Variants in SPG11 observed in about 807,000 individuals in gnomAD.
SPG11 encodes SPG11 vesicle trafficking associated, spatacsin, also known as spatacsin.
A neutral mutation model predicts 274.0 loss-of-function variants in SPG11; 222 were observed. That is an observed-to-expected ratio of 0.81 (90% CI 0.73 to 0.91). The LOEUF (loss-of-function observed/expected upper bound fraction) is 0.91. SPG11 is among the 40% of genes least tolerant of loss of function. The pLI, the probability that SPG11 is intolerant of heterozygous loss-of-function variation, is 0.00. For missense variants in SPG11, 3,114 were observed against 2,872.7 expected (o/e 1.08, Z -1.92); for synonymous variants, 1,144 against 1,039.7 (o/e 1.10, Z -1.93).
intron 26 of SPG11, among the ~76,000 whole-genome samples, chr15:44,593,719 G>A (rs141551160): frequency 6.6e-6 from 1 of 150,850 alleles, no homozygotes; most frequent in African/African-American, 2.4e-5. Context: ...TGATTTATTA[G>A]TCTGTCAAAT....
At chr15:44,635,641 G>A (rs1234516918) in intron 7 of SPG11, among the ~76,000 whole-genome samples, 1 of 150,618 alleles carries the variant, frequency 6.6e-6, no homozygotes, top group African/African-American at 2.4e-5. Context: ...AAAAAGCCGG[G>A]TATGGTGGCT....
intron 35 of SPG11, among the ~76,000 whole-genome samples, chr15:44,567,847 C>CA (rs1359617880): frequency 2.0e-5 from 3 of 152,172 alleles, no homozygotes; most frequent in African/African-American, 7.2e-5. Flanking sequence ...GCTGATCTAA[C>CA]AATTCCATTT....
intron 6 of SPG11, among the ~76,000 whole-genome samples, chr15:44,649,652 G>A (rs557498905): frequency 1.8e-4 from 28 of 151,914 alleles, no homozygotes; most frequent in Non-Finnish European, 2.9e-4. Context: ...AGCACTTCAG[G>A]AGGCCGAGGT....
rs768433207 is a variant in SPG11, at chr15:44,600,533, C to T, written c.3620G>A (p.Arg1207Gln). Residue 1207 changes from arginine to glutamine, a missense_variant, in exon 21 of 40, where the codon CGG becomes CAG. By Grantham distance (43) the Arg-to-Gln change is conservative (BLOSUM62 1). Coordinates refer to ENST00000261866, the MANE Select transcript of SPG11 (RefSeq NM_025137.4). ...LNFAYYLHNG[R>Q]PSFAFGTFLV... Reference sequence around the variant, plus strand: ...AAAAGTACCAAATGCAAATGATGGCCGCCCATTATGTAAATAATAAGCAAA... The same window carrying T: ...AAAAGTACCAAATGCAAATGATGGCTGCCCATTATGTAAATAATAAGCAAA... The T allele has an allele frequency of 1.1e-5, 18 of 1,613,940 alleles. No individual in the cohort carries two copies. Among genetic ancestry groups the T allele is most frequent in the Middle Eastern group, 1.6e-4 (1 of 6,084 alleles).
intron 11 of SPG11, among the ~76,000 whole-genome samples, chr15:44,625,488 G>A (rs188390813): frequency 2.0e-5 from 3 of 152,154 alleles, no homozygotes; most frequent in Admixed American, 2.0e-4. Flanking sequence ...AAAGTGTGTA[G>A]CACCTCCCCA....
intron 31 of SPG11, 165 bp from the exon 32 acceptor site, chr15:44,573,910 TTC>T (rs2082480247): frequency 6.0e-6 from 4 of 661,378 alleles, no homozygotes; most frequent in Non-Finnish European, 7.9e-6. Context: ...TTCTAACCCT[TTC>T]TATCATTTCA....
Position 44,651,537 on chromosome 15 carries a change from A to T in SPG11, c.1410T>A (p.Ile470=). ...MQCFSLGTKC[I]PVDSSGDQQL... Reference sequence around the variant, plus strand: ...GCTGGTCTCCACTACTGTCTACAGGAATACACTTTGTGCCAAGGGAAAAAC... The same window carrying T: ...GCTGGTCTCCACTACTGTCTACAGGTATACACTTTGTGCCAAGGGAAAAAC... Residue 470 remains isoleucine (I), a synonymous_variant, in exon 6 of 40, where the codon ATT becomes ATA. Coordinates refer to ENST00000261866, the MANE Select transcript of SPG11 (RefSeq NM_025137.4). The T allele has an allele frequency of 4.3e-6, 7 of 1,614,170 alleles. No homozygotes were observed. Among genetic ancestry groups the T allele is most frequent in the Non-Finnish European group, 5.9e-6 (7 of 1,180,006 alleles).
At chr15:44,649,092 C>A in intron 6 of SPG11, 81 bp from the exon 7 acceptor site, 1 of 1,042,044 alleles carries the variant, frequency 9.6e-7, no homozygotes, top group South Asian at 1.3e-5. Context: ...TTTAATTACT[C>A]AATACTTCAG....
intron 7 of SPG11, among the ~76,000 whole-genome samples, chr15:44,639,063 A>G (rs1328278946): frequency 6.6e-6 from 1 of 152,034 alleles, no homozygotes; most frequent in East Asian, 1.9e-4. Flanking sequence ...TTTTTTACAC[A>G]TTGTATTTTA....
At chr15:44,601,709 C>A (rs1007116552) in intron 20 of SPG11, among the ~76,000 whole-genome samples, 1 of 152,046 alleles carries the variant, frequency 6.6e-6, no homozygotes, top group African/African-American at 2.4e-5. Context: ...GAGGCACGTG[C>A]CACCACACCT....
intron 29 of SPG11, among the ~76,000 whole-genome samples, chr15:44,585,334 A>T (rs1382539259): frequency 6.6e-6 from 1 of 151,792 alleles, no homozygotes; most frequent in African/African-American, 2.4e-5. Context: ...TCACGCCTGT[A>T]ATCCCAGCAC....
At chr15:44,612,258 T>C (rs2083479787) in intron 17 of SPG11, among the ~76,000 whole-genome samples, 1 of 152,206 alleles carries the variant, frequency 6.6e-6, no homozygotes, top group African/African-American at 2.4e-5. Context: ...AAATATTTGT[T>C]GGGTGAATGA....
chr15:44,646,783 A>G (rs1187873693), intron 7 of SPG11, among the ~76,000 whole-genome samples: 1 of 152,186 alleles, frequency 6.6e-6, no homozygotes, highest in Non-Finnish European at 1.5e-5. Flanking sequence ...CACAGTACAC[A>G]TGAACAAAAA....
chr15:44,652,212 T>C lies in SPG11; in HGVS notation c.924A>G (p.Gln308=). 6.2e-7 allele frequency: 1 copy of C among 1,614,116 alleles called. No homozygotes were observed. Among genetic ancestry groups the C allele is most frequent in the South Asian group, 1.1e-5 (1 of 91,072 alleles). Residue 308 remains glutamine, a synonymous_variant, in exon 5 of 40, where the codon CAA becomes CAG. Coordinates refer to ENST00000261866, the MANE Select transcript of SPG11 (RefSeq NM_025137.4). ...CERILEDLPI[Q]GPKGVDEDDP... is the part of the protein sequence containing the mutation. ...CATCTTCATCTACGCCCTTAGGTCC[T>C]TGAATAGGAAGATCTTCTAGTATTC...
intron 7 of SPG11, among the ~76,000 whole-genome samples, chr15:44,647,522 A>G (rs1358634799): frequency 6.6e-6 from 1 of 152,202 alleles, no homozygotes; most frequent in Admixed American, 6.5e-5. Context: ...CCAAATGTCC[A>G]TCAGCTGATG....
chr15:44,594,869 T>C (rs929872346), intron 26 of SPG11, among the ~76,000 whole-genome samples: 6 of 152,184 alleles, frequency 3.9e-5, no homozygotes, highest in African/African-American at 1.4e-4. Flanking sequence ...CAGGCTGGAG[T>C]GCAGTGGCAC....
At position 44,651,829 on chromosome 15, in the gene SPG11, T is replaced by A; in HGVS notation, c.1118A>T (p.Glu373Val). Residue 373 changes from glutamate (E) to valine (V), a missense_variant, in exon 6 of 40, where the codon GAA becomes GTA. Transcript: ENST00000261866. ...CACACTTGTACTGTGGTTACCAGATTCAGGTGACTCCAAATGCAAAATATC... is the reference window on the plus strand; with the variant it reads ...CACACTTGTACTGTGGTTACCAGATACAGGTGACTCCAAATGCAAAATATC... ...FQDILHLESP[E>V]SGNHSTSVQS... The A allele has an allele frequency of 6.2e-7, 1 of 1,614,136 alleles. No individual in the cohort carries two copies. Among genetic ancestry groups the A allele is most frequent in the Non-Finnish European group, 8.5e-7 (1 of 1,179,996 alleles).
chr15:44,595,985 T>C, intron 25 of SPG11, 98 bp downstream of exon 25: 3 of 1,500,972 alleles, frequency 2.0e-6, no homozygotes, highest in Non-Finnish European at 2.8e-6. Flanking sequence ...AACCTCACTG[T>C]CATCATCACC....
intron 21 of SPG11, 76 bp from the exon 22 acceptor site, chr15:44,598,912 T>C: frequency 7.0e-7 from 1 of 1,425,696 alleles, no homozygotes; most frequent in Non-Finnish European, 9.8e-7. Flanking sequence ...TGGAATTAAA[T>C]CAGTGACAGA....
Sources: gnomAD v4.1 joint callset for allele counts (sites outside exome capture counted in the v4.1 genomes callset) on GRCh38, gnomAD v4.1.1 for gene constraint, MANE v1.5 for transcripts, NCBI Gene and HGNC (gene_info 2026-07-23, HGNC 2026-07-21) for gene names.